Variants in LRRTM3 observed in about 807,000 individuals in gnomAD.
LRRTM3 encodes leucine rich repeat transmembrane neuronal 3.
A neutral mutation model predicts 44.7 loss-of-function variants in LRRTM3; 24 were observed. The observed-to-expected ratio is 0.54, with a 90% CI of 0.39 to 0.76. The LOEUF (loss-of-function observed/expected upper bound fraction) is 0.76, where lower values mean the gene tolerates loss of function less well. LRRTM3 is among the 30% of genes least tolerant of loss of function. The probability of loss-of-function intolerance (pLI) is 0.00; values close to 1 mark genes in which losing one functional copy is unlikely to be tolerated. For synonymous variants in LRRTM3, 277 were observed against 278.7 expected, an observed-to-expected ratio of 0.99 and a Z score of 0.06; for missense variants, 587 against 702.2, an observed-to-expected ratio of 0.84 and a Z score of 1.85.
chr10:67,060,421 C>CA (rs879824100), intron 2 of LRRTM3, among the ~76,000 whole-genome samples: 1 of 152,198 alleles, frequency 6.6e-6, no homozygotes, highest in Admixed American at 6.5e-5. Flanking sequence ...GAAGCACTTT[C>CA]ATGAAATTTT....
chr10:66,931,265 C>T (rs1847374056), intron 2 of LRRTM3, among the ~76,000 whole-genome samples: 1 of 140,754 alleles, frequency 7.1e-6, no homozygotes. Flanking sequence ...TTTACCAAAA[C>T]AGAGAAGAAA....
intron 2 of LRRTM3, among the ~76,000 whole-genome samples, chr10:67,072,962 A>G (rs1344831433): frequency 2.6e-5 from 4 of 152,150 alleles, no homozygotes; most frequent in African/African-American, 4.8e-5. Context: ...AGATCCCTCA[A>G]GTCTCCAGTT....
intron 2 of LRRTM3, among the ~76,000 whole-genome samples, chr10:67,024,901 C>T (rs1042810655): frequency 6.6e-6 from 1 of 151,928 alleles, no homozygotes; most frequent in African/African-American, 2.4e-5. Context: ...GGGGCCAAGG[C>T]GGGCGGATCA....
chr10:66,969,799 A>T (rs1190960383), intron 2 of LRRTM3, among the ~76,000 whole-genome samples: 1 of 152,114 alleles, frequency 6.6e-6, no homozygotes, highest in Non-Finnish European at 1.5e-5. Flanking sequence ...TTGAGGAGAA[A>T]AGCTGCCTCT....
intron 2 of LRRTM3, among the ~76,000 whole-genome samples, chr10:67,068,937 G>A (rs1025226132): frequency 5.9e-5 from 9 of 152,146 alleles, no homozygotes; most frequent in African/African-American, 1.9e-4. Context: ...GCAGGTACCT[G>A]TAATCCCAGC....
rs565028603 is a variant in LRRTM3, at chr10:66,949,375, G to A, written c.1536+20923G>A. Among the ~76,000 whole-genome samples, 192 of 152,166 alleles carry A rather than the reference G, an allele frequency of 1.3e-3. 3 individuals carry two copies. The highest frequency in any genetic ancestry group is 1.2e-3 in the East Asian group (6 of 5,158). On this transcript the variant is annotated intron_variant, in intron 2 of 2. Coordinates refer to ENST00000361320, the MANE Select transcript of LRRTM3 (RefSeq NM_178011.5). ...AGTTGGAGACCAGCCTGACCAACAT[G>A]GAGAAACCCCGTCTCTACTAAAAAA...
chr10:66,979,273 T>G (rs1850275565), intron 2 of LRRTM3, among the ~76,000 whole-genome samples: 2 of 152,158 alleles, frequency 1.3e-5, no homozygotes, highest in African/African-American at 4.8e-5. Flanking sequence ...TGGTCATAAC[T>G]ATTTCTTAAG....
intron 2 of LRRTM3, among the ~76,000 whole-genome samples, chr10:66,979,750 A>T (rs1850301290): frequency 6.6e-6 from 1 of 152,222 alleles, no homozygotes; most frequent in African/African-American, 2.4e-5. Flanking sequence ...AATCTACTTT[A>T]TCACTATCAT....
At chr10:66,984,681 A>T (rs888040014) in intron 2 of LRRTM3, among the ~76,000 whole-genome samples, 2 of 152,122 alleles carry the variant, frequency 1.3e-5, no homozygotes, top group Non-Finnish European at 2.9e-5. Flanking sequence ...TCATTCCTTT[A>T]TGCTTTTTTT....
intron 2 of LRRTM3, among the ~76,000 whole-genome samples, chr10:67,056,454 A>C (rs1855436906): frequency 6.6e-6 from 1 of 152,100 alleles, no homozygotes; most frequent in African/African-American, 2.4e-5. Flanking sequence ...ATTTTTCTTC[A>C]TGAGGGTCTC....
intron 2 of LRRTM3, among the ~76,000 whole-genome samples, chr10:67,089,228 A>C (rs543921892): frequency 6.6e-6 from 1 of 152,216 alleles, no homozygotes; most frequent in African/African-American, 2.4e-5. Context: ...TTGGCAATTT[A>C]GCTCTTAAGA....
chr10:66,949,930 A>G (rs1324306305), intron 2 of LRRTM3, among the ~76,000 whole-genome samples: 4 of 152,230 alleles, frequency 2.6e-5, no homozygotes, highest in Admixed American at 6.5e-5. Flanking sequence ...AAAGCCAGAC[A>G]TTAAATAGAA....
chr10:67,039,854 A>T (rs1432065601), intron 2 of LRRTM3, among the ~76,000 whole-genome samples: 1 of 152,162 alleles, frequency 6.6e-6, no homozygotes, highest in Admixed American at 6.5e-5. Flanking sequence ...ATCTTCCAAG[A>T]CCGTTACAGA....
chr10:66,962,705 C>T (rs71496024), intron 2 of LRRTM3, among the ~76,000 whole-genome samples: 4 of 152,180 alleles, frequency 2.6e-5, no homozygotes, highest in African/African-American at 7.2e-5. Context: ...GCCACCGTGC[C>T]TGGCCCACCT....
At chr10:67,025,479 C>G (rs1853314707) in intron 2 of LRRTM3, among the ~76,000 whole-genome samples, 1 of 152,124 alleles carries the variant, frequency 6.6e-6, no homozygotes, top group South Asian at 2.1e-4. Flanking sequence ...TTACCAATCA[C>G]TCAGAAATTC....
chr10:67,030,903 T>G (rs1437469507), intron 2 of LRRTM3, among the ~76,000 whole-genome samples: 1 of 151,760 alleles, frequency 6.6e-6, no homozygotes, highest in Admixed American at 6.6e-5. Flanking sequence ...ACTCAGGTGG[T>G]TGAGGAAGGA....
At chr10:66,994,314 C>G (rs1851207959) in intron 2 of LRRTM3, among the ~76,000 whole-genome samples, 1 of 152,154 alleles carries the variant, frequency 6.6e-6, no homozygotes, top group African/African-American at 2.4e-5. Context: ...GTTTGCCTGG[C>G]CTTTGCTAAT....
At chr10:66,944,337 G>A (rs562236409) in intron 2 of LRRTM3, among the ~76,000 whole-genome samples, 5 of 152,244 alleles carry the variant, frequency 3.3e-5, no homozygotes, top group East Asian at 1.9e-4. Context: ...ATCCATTCAA[G>A]TTTGATCATG....
intron 2 of LRRTM3, among the ~76,000 whole-genome samples, chr10:66,986,174 T>C (rs1427932211): frequency 6.6e-6 from 1 of 152,184 alleles, no homozygotes; most frequent in African/African-American, 2.4e-5. Context: ...GCCTGTATAC[T>C]TTAGATATAA....
Sources: gnomAD v4.1 joint callset for allele counts (sites outside exome capture counted in the v4.1 genomes callset) on GRCh38, gnomAD v4.1.1 for gene constraint, MANE v1.5 for transcripts, NCBI Gene and HGNC (gene_info 2026-07-23, HGNC 2026-07-21) for gene names.